TIMP3: variants seen among roughly 807,000 people sequenced by gnomAD.
The protein encoded by TIMP3 is TIMP metallopeptidase inhibitor 3, also known as metalloproteinase inhibitor 3.
TIMP3 carries 11 observed loss-of-function variants against 30.0 expected under a neutral mutation model. The ratio of observed to expected loss-of-function variants is 0.37; its 90% CI spans 0.23 to 0.61. The LOEUF (loss-of-function observed/expected upper bound fraction) is 0.61. Ranked by LOEUF, TIMP3 falls within the 20% of genes least tolerant of loss-of-function variation. The pLI, the probability that TIMP3 is intolerant of heterozygous loss-of-function variation, is 0.70. For synonymous variants in TIMP3, 112 were observed against 111.3 expected (o/e 1.01, Z -0.04); for missense variants, 181 against 276.8 (o/e 0.65, Z 2.45).
In TIMP3 at chr22:32,837,428, C is replaced by T. The variant is rs1409116446; in HGVS notation, c.122-12024C>T. Among the ~76,000 whole-genome samples, 1 of 152,060 alleles carries T rather than the reference C, an allele frequency of 6.6e-6. No individual in the cohort carries two copies. Among genetic ancestry groups the T allele is most frequent in the Non-Finnish European group, 1.5e-5 (1 of 68,010 alleles). The stretch of plus-strand genomic sequence containing the variant: ...GAGCTTTTGAGAGGTCAGCATGCCC[C>T]CTTAAACTTGATGTCTCCTCAGAGC... On this transcript the variant is annotated intron_variant, in intron 1 of 4. Transcript: ENST00000266085. The surrounding 1 kb of genome is among the most constrained non-coding windows in gnomAD (Gnocchi z 4.1).
intron 1 of TIMP3, among the ~76,000 whole-genome samples, chr22:32,819,216 G>A (rs968788658): frequency 2.0e-5 from 3 of 152,248 alleles, no homozygotes; most frequent in Non-Finnish European, 2.9e-5. Flanking sequence ...CTTGCAGGCC[G>A]GTGCTGGGTT....
intron 2 of TIMP3, among the ~76,000 whole-genome samples, chr22:32,852,540 TAG>T (rs1280890295): frequency 6.6e-6 from 1 of 152,130 alleles, no homozygotes; most frequent in Non-Finnish European, 1.5e-5. Flanking sequence ...CAGTCTACCC[TAG>T]AGAGTCAGAA....
intron 1 of TIMP3, among the ~76,000 whole-genome samples, chr22:32,803,523 C>G (rs1390965888): frequency 6.6e-6 from 1 of 152,170 alleles, no homozygotes; most frequent in Non-Finnish European, 1.5e-5. Context: ...ATGGTACATC[C>G]TCCCCTCTCC....
intron 1 of TIMP3, 23 bp downstream of exon 1, chr22:32,802,145 C>A: frequency 6.4e-7 from 1 of 1,571,808 alleles, no homozygotes; most frequent in East Asian, 2.3e-5. Context: ...GGTGCCCCGC[C>A]CGAGCCCCAC....
intron 1 of TIMP3, among the ~76,000 whole-genome samples, chr22:32,807,399 A>ATATTATATATAATATATT (rs130273): frequency 8.4e-6 from 1 of 118,362 alleles, no homozygotes; most frequent in Non-Finnish European, 1.7e-5. Context: ...TATATAATAT[A>ATATTATATATAATATATT]TATATATTAT....
In TIMP3 at chr22:32,802,119, A is replaced by G. The variant is rs1398464952; in HGVS notation, c.118A>G (p.Ile40Val). ...CCAGGACGCCTTCTGCAACTCCGACATCGGTAAGCGCTCCTGGTGCCCCGC... is the reference window on the plus strand; with the variant it reads ...CCAGGACGCCTTCTGCAACTCCGACGTCGGTAAGCGCTCCTGGTGCCCCGC... ...HPQDAFCNSDIVIRAKVVGKK... is the reference protein window; with the variant it reads ...HPQDAFCNSDVVIRAKVVGKK... The change falls in exon 1 of 5, where the codon ATC becomes GTC. Residue 40 changes from isoleucine to valine, a missense_variant. Physicochemically the swap from Ile to Val is conservative, Grantham distance 29 (BLOSUM62 3). Around this residue, in one of 3 missense-constraint regions of TIMP3, gnomAD observed 71 missense variants for 79.7 expected, o/e 0.89. Coordinates refer to ENST00000266085, the MANE Select transcript of TIMP3 (RefSeq NM_000362.5). 3.2e-6 allele frequency: 5 copies of G among 1,581,940 alleles called. No individual in the cohort carries two copies. Among genetic ancestry groups the G allele is most frequent in the East Asian group, 2.3e-5 (1 of 43,698 alleles).
intron 1 of TIMP3, among the ~76,000 whole-genome samples, chr22:32,804,423 C>A (rs2046670644): frequency 6.6e-6 from 1 of 152,210 alleles, no homozygotes; most frequent in Non-Finnish European, 1.5e-5. Flanking sequence ...TGAAGGAGCT[C>A]CCCATTCCTT....
At chr22:32,821,603 T>C (rs573076082) in intron 1 of TIMP3, among the ~76,000 whole-genome samples, 1 of 152,306 alleles carries the variant, frequency 6.6e-6, no homozygotes, top group Non-Finnish European at 1.5e-5. Flanking sequence ...TGATCTCAGC[T>C]GAGGGGCAAG....
At chr22:32,824,949 A>G (rs1356985754) in intron 1 of TIMP3, among the ~76,000 whole-genome samples, 2 of 152,216 alleles carry the variant, frequency 1.3e-5, no homozygotes, top group Non-Finnish European at 2.9e-5. Flanking sequence ...GGCTTTGAGC[A>G]GTGACTTTAT....
chr22:32,825,912 G>C (rs5754306), intron 1 of TIMP3, among the ~76,000 whole-genome samples: 1 of 152,068 alleles, frequency 6.6e-6, no homozygotes, highest in African/African-American at 2.4e-5. Context: ...AAATAAACCA[G>C]ATCACCAAGC....
intron 1 of TIMP3, among the ~76,000 whole-genome samples, chr22:32,826,965 C>T (rs963768531): frequency 3.9e-5 from 6 of 152,188 alleles, no homozygotes; most frequent in Non-Finnish European, 8.8e-5. Context: ...AGCTCCAAAC[C>T]CCAGCTGAAG....
intron 1 of TIMP3, among the ~76,000 whole-genome samples, chr22:32,828,374 G>A (rs1327686728): frequency 6.6e-6 from 1 of 152,220 alleles, no homozygotes; most frequent in African/African-American, 2.4e-5. Context: ...ATCTTTCAGA[G>A]ATACAGGCCT....
Position 32,837,720 on chromosome 22 carries a change from T to C in TIMP3, c.122-11732T>C, listed in dbSNP as rs1601502855. The stretch of plus-strand genomic sequence containing the variant: ...TGGATACATGCAATCCTAAAGTCTA[T>C]GGGCAGTGACAGAGTGATAAGTCTT... On this transcript the variant is annotated intron_variant, in intron 1 of 4. Transcript: ENST00000266085. The surrounding 1 kb of genome is among the most constrained non-coding windows in gnomAD (Gnocchi z 4.1). 6.6e-6 allele frequency among the ~76,000 whole-genome samples: 1 copy of C among 152,254 alleles called. No individual in the cohort carries two copies. Among genetic ancestry groups the C allele is most frequent in the East Asian group, 1.9e-4 (1 of 5,174 alleles).
chr22:32,857,477 T>A, intron 3 of TIMP3, 117 bp downstream of exon 3: 1 of 809,822 alleles, frequency 1.2e-6, no homozygotes, highest in Non-Finnish European at 2.1e-6. Context: ...TTGTAAGGAG[T>A]CTCTAATGTT....
intron 1 of TIMP3, among the ~76,000 whole-genome samples, chr22:32,810,891 C>T (rs568171123): frequency 6.6e-4 from 101 of 152,240 alleles, no homozygotes; most frequent in Non-Finnish European, 1.3e-3. Context: ...CCTGCCTTTT[C>T]GATTTGGAAA....
chr22:32,815,098 A>C (rs887107842), intron 1 of TIMP3, among the ~76,000 whole-genome samples: 13 of 152,236 alleles, frequency 8.5e-5, no homozygotes, highest in Non-Finnish European at 1.0e-4. Context: ...AGTGGCCGCC[A>C]TGTTAATACT....
At chr22:32,814,107 CGT>C (rs130279) in intron 1 of TIMP3, among the ~76,000 whole-genome samples, 7,531 of 97,564 alleles carry the variant, frequency 0.077, 367 homozygotes, top group South Asian at 0.15. Flanking sequence ...AGGCAATACT[CGT>C]GTGTGTGTGT....
intron 1 of TIMP3, among the ~76,000 whole-genome samples, chr22:32,817,217 CA>C (rs130285): frequency 0.21 from 30,841 of 144,380 alleles, 3,633 homozygotes; most frequent in South Asian, 0.33. Flanking sequence ...GACTCTATCT[CA>C]AAAAAAAAAA....
intron 2 of TIMP3, among the ~76,000 whole-genome samples, chr22:32,853,305 C>A (rs536792088): frequency 6.6e-6 from 1 of 152,294 alleles, no homozygotes; most frequent in South Asian, 2.1e-4. Context: ...AAGATCATGG[C>A]CGTGATAGCT....
Sources: allele counts gnomAD v4.1 joint callset (sites outside exome capture counted in the v4.1 genomes callset), GRCh38; gene constraint gnomAD v4.1.1; regional missense constraint gnomAD v4.1.1; non-coding constraint Gnocchi (gnomAD v3.1); transcripts MANE v1.5; gene names NCBI Gene and HGNC (gene_info 2026-07-23, HGNC 2026-07-21).